The following GALNT17 variants were observed in gnomAD, a reference collection of about 807,000 sequenced individuals.
GALNT17 encodes polypeptide N-acetylgalactosaminyltransferase 17.
In GALNT17, 29 loss-of-function variants were observed where a neutral mutation model predicts 63.7. That is an observed-to-expected ratio of 0.46 (90% CI 0.34 to 0.62). GALNT17 has a LOEUF of 0.62. Among genes scored for constraint, GALNT17 ranks in the 20% least tolerant of loss-of-function variants. GALNT17 has a pLI of 0.01. For synonymous variants in GALNT17, 305 were observed against 318.3 expected, an observed-to-expected ratio of 0.96 and a Z score of 0.45; for missense variants, 603 against 799.6, an observed-to-expected ratio of 0.75 and a Z score of 2.97.
chr7:71,525,694 T>A (rs1788612686), intron 5 of GALNT17, among the ~76,000 whole-genome samples: 1 of 151,782 alleles, frequency 6.6e-6, no homozygotes, highest in South Asian at 2.1e-4. Context: ...TTTTTTTTTT[T>A]TAATAAATTA....
intron 1 of GALNT17, among the ~76,000 whole-genome samples, chr7:71,200,352 A>G (rs1253415490): frequency 6.6e-6 from 1 of 152,276 alleles, no homozygotes; most frequent in East Asian, 1.9e-4. Flanking sequence ...ATTAGAGAGC[A>G]CCCATGTAAA....
chr7:71,696,223 C>T (rs1791541133), intron 9 of GALNT17, among the ~76,000 whole-genome samples: 2 of 152,150 alleles, frequency 1.3e-5, no homozygotes, highest in Non-Finnish European at 2.9e-5. Flanking sequence ...ATTGATCCTC[C>T]TGCCTCAGCC....
chr7:71,569,205 T>C (rs903404655), intron 5 of GALNT17, among the ~76,000 whole-genome samples: 1 of 152,100 alleles, frequency 6.6e-6, no homozygotes, highest in Admixed American at 6.6e-5. Context: ...CTCCTGACCT[T>C]GTGATCCCCC....
At chr7:71,313,105 G>T (rs535055746) in intron 1 of GALNT17, among the ~76,000 whole-genome samples, 1 of 152,042 alleles carries the variant, frequency 6.6e-6, no homozygotes, top group African/African-American at 2.4e-5. Flanking sequence ...GCGAGACCCC[G>T]TATCTTTAAA....
chr7:71,312,269 C>A (rs1235064854), intron 1 of GALNT17, among the ~76,000 whole-genome samples: 1 of 152,210 alleles, frequency 6.6e-6, no homozygotes, highest in Non-Finnish European at 1.5e-5. Context: ...GCAACACCAC[C>A]AGCTCATCCT....
At position 71,470,953 on chromosome 7, in the gene GALNT17, T is replaced by C. The variant is rs574926269; in HGVS notation, c.962+49848T>C. On this transcript the variant is annotated intron_variant, in intron 5 of 10. Transcript: ENST00000333538. ...AATCCTTGGCACATTTTGAAAAGTA[T>C]ACATGTAGTTTTAAAATGGAATTAT... 1.4e-4 allele frequency among the ~76,000 whole-genome samples: 21 copies of C among 152,332 alleles called. No individual in the cohort carries two copies. The East Asian group carries it at 3.9e-3, about 28-fold the overall frequency.
chr7:71,454,166 G>A (rs1168744081), intron 5 of GALNT17, among the ~76,000 whole-genome samples: 1 of 152,102 alleles, frequency 6.6e-6, no homozygotes, highest in East Asian at 1.9e-4. Context: ...CATGTGCCAT[G>A]GTGGTTTGCT....
intron 1 of GALNT17, among the ~76,000 whole-genome samples, chr7:71,262,621 G>T (rs1300702959): frequency 1.3e-5 from 2 of 151,676 alleles, no homozygotes; most frequent in Non-Finnish European, 2.9e-5. Flanking sequence ...ATTAAAATGA[G>T]GTCTTTAGAG....
intron 3 of GALNT17, among the ~76,000 whole-genome samples, chr7:71,393,218 C>G (rs1208592990): frequency 6.6e-6 from 1 of 152,070 alleles, no homozygotes; most frequent in Non-Finnish European, 1.5e-5. Flanking sequence ...TAGAAGCATA[C>G]TCTGTTTTTT....
chr7:71,493,919 G>A (rs1788051639), intron 5 of GALNT17, among the ~76,000 whole-genome samples: 1 of 152,066 alleles, frequency 6.6e-6, no homozygotes, highest in Non-Finnish European at 1.5e-5. Flanking sequence ...ATTGATAGAT[G>A]TTTCAGGTTA....
rs143404374 is a variant in GALNT17, at chr7:71,546,719, A to G, written c.963-24566A>G. 7.2e-5 allele frequency among the ~76,000 whole-genome samples: 11 copies of G among 152,304 alleles called. No homozygotes were observed. The East Asian group carries it at 2.1e-3, about 29-fold the overall frequency. On this transcript the variant is annotated intron_variant, in intron 5 of 10. Transcript: ENST00000333538. ...GTGAGAATGAAATGGGATCCTACAT[A>G]TATATGAAGTTCATGGCCTTGGACC...
chr7:71,592,749 A>G (rs1187481782), intron 6 of GALNT17, among the ~76,000 whole-genome samples: 2 of 152,082 alleles, frequency 1.3e-5, no homozygotes, highest in African/African-American at 4.8e-5. Context: ...CCTGATTGGA[A>G]ACATTTGTCC....
At chr7:71,217,140 GTTTTGTTTT>G (rs1789497463) in intron 1 of GALNT17, among the ~76,000 whole-genome samples, 1 of 95,216 alleles carries the variant, frequency 1.1e-5, no homozygotes. Context: ...ATTTTTTCGT[GTTTTGTTTT>G]TTTTTTTTTT....
chr7:71,655,265 A>C (rs2117029515), intron 6 of GALNT17, among the ~76,000 whole-genome samples: 1 of 152,240 alleles, frequency 6.6e-6, no homozygotes. Flanking sequence ...TCAAAAAAAG[A>C]ATCAAAGAAA....
intron 1 of GALNT17, among the ~76,000 whole-genome samples, chr7:71,248,018 T>C (rs1790131216): frequency 6.6e-6 from 1 of 152,324 alleles, no homozygotes; most frequent in South Asian, 2.1e-4. Flanking sequence ...GGTGTATTAG[T>C]CTGTTCTCAC....
At position 71,196,765 on chromosome 7, in the gene GALNT17, T is replaced by G. The variant is rs535084948; in HGVS notation, c.238+63725T>G. Among the ~76,000 whole-genome samples the G allele has an allele frequency of 4.6e-5, 7 of 152,248 alleles. No homozygotes were observed. The South Asian group carries it at 1.5e-3, about 32-fold the overall frequency. ...GCTTCCCAGGCTCAAGCGATTCTCC[T>G]GCCTCAGCCTCCTGAGTAGCTGGGA... On this transcript the variant is annotated intron_variant, in intron 1 of 10. Coordinates refer to ENST00000333538, the MANE Select transcript of GALNT17 (RefSeq NM_022479.3).
intron 5 of GALNT17, among the ~76,000 whole-genome samples, chr7:71,442,711 T>C (rs1787090379): frequency 1.3e-5 from 2 of 152,102 alleles, no homozygotes; most frequent in African/African-American, 4.8e-5. Context: ...TGGTAGTACA[T>C]CCTTACAGCA....
intron 2 of GALNT17, among the ~76,000 whole-genome samples, chr7:71,374,580 C>T (rs1792685660): frequency 1.3e-5 from 2 of 152,206 alleles, no homozygotes; most frequent in African/African-American, 4.8e-5. Context: ...GTAGAGAAAA[C>T]AGACTTTGCC....
At chr7:71,535,416 G>T (rs1788787979) in intron 5 of GALNT17, among the ~76,000 whole-genome samples, 3 of 152,266 alleles carry the variant, frequency 2.0e-5, no homozygotes, top group Admixed American at 6.5e-5. Flanking sequence ...CTGTCTCTTT[G>T]TTCCATGATG....
Sources: gnomAD v4.1 joint callset for allele counts (sites outside exome capture counted in the v4.1 genomes callset) on GRCh38, gnomAD v4.1.1 for gene constraint, MANE v1.5 for transcripts, NCBI Gene and HGNC (gene_info 2026-07-23, HGNC 2026-07-21) for gene names.